CDH18: variants seen among roughly 807,000 people sequenced by gnomAD.
CDH18 encodes the protein cadherin-18.
In CDH18, 31 loss-of-function variants were observed where a neutral mutation model predicts 67.9. That is an observed-to-expected ratio of 0.46 (90% CI 0.34 to 0.62). CDH18 has a LOEUF of 0.62. CDH18 is among the 20% of genes least tolerant of loss of function. CDH18 has a pLI of 0.01. For synonymous variants in CDH18, 362 were observed against 347.2 expected, an observed-to-expected ratio of 1.04 and a Z score of -0.48; for missense variants, 890 against 975.5, an observed-to-expected ratio of 0.91 and a Z score of 1.17.
intron 10 of CDH18, among the ~76,000 whole-genome samples, chr5:19,512,932 C>T (rs1033795679): frequency 2.2e-4 from 34 of 152,016 alleles, no homozygotes; most frequent in African/African-American, 7.7e-4. Flanking sequence ...ATGATCCTGC[C>T]ACCCTTTTTC....
intron 3 of CDH18, among the ~76,000 whole-genome samples, chr5:19,777,537 C>A (rs1338708458): frequency 6.6e-6 from 1 of 152,190 alleles, no homozygotes; most frequent in Non-Finnish European, 1.5e-5. Context: ...CCACACTGTG[C>A]TTGTGAAGAA....
At chr5:20,315,635 A>G (rs1375382243) in intron 1 of CDH18, among the ~76,000 whole-genome samples, 2 of 152,044 alleles carry the variant, frequency 1.3e-5, no homozygotes, top group Admixed American at 1.3e-4. Flanking sequence ...TCTCCAAAAT[A>G]TGCTTAAGGT....
intron 1 of CDH18, among the ~76,000 whole-genome samples, chr5:20,423,688 G>A (rs1316188467): frequency 6.6e-6 from 1 of 150,862 alleles, no homozygotes; most frequent in Non-Finnish European, 1.5e-5. Context: ...GCTCATGCCT[G>A]TAATCCCAGC....
At chr5:19,665,563 T>C (rs184982692) in intron 5 of CDH18, among the ~76,000 whole-genome samples, 150 of 152,210 alleles carry the variant, frequency 9.9e-4, no homozygotes, top group African/African-American at 3.1e-3. Context: ...ATTAAGAGAT[T>C]ATAAGTTTTC....
intron 10 of CDH18, among the ~76,000 whole-genome samples, chr5:19,507,058 G>T (rs1268800525): frequency 6.6e-6 from 1 of 152,008 alleles, no homozygotes; most frequent in Non-Finnish European, 1.5e-5. Context: ...AAATTTACAA[G>T]AAAAAAGCAA....
At chr5:19,728,058 T>C (rs767964487) in intron 4 of CDH18, among the ~76,000 whole-genome samples, 2 of 152,166 alleles carry the variant, frequency 1.3e-5, no homozygotes, top group Non-Finnish European at 2.9e-5. Flanking sequence ...TATTACCCTC[T>C]ACGTGCTAGA....
At chr5:20,555,371 A>C (rs928547160) in intron 1 of CDH18, among the ~76,000 whole-genome samples, 5 of 120,298 alleles carry the variant, frequency 4.2e-5, no homozygotes, top group Non-Finnish European at 7.1e-5. Context: ...ATAGTAGTCC[A>C]AGCTAAGACA....
At chr5:20,397,578 C>T (rs986848563) in intron 1 of CDH18, among the ~76,000 whole-genome samples, 1 of 152,112 alleles carries the variant, frequency 6.6e-6, no homozygotes, top group African/African-American at 2.4e-5. Context: ...AGACTGTTTA[C>T]CAGTAGTCTC....
intron 1 of CDH18, among the ~76,000 whole-genome samples, chr5:20,264,817 C>G (rs1744909028): frequency 6.6e-6 from 1 of 152,088 alleles, no homozygotes; most frequent in Non-Finnish European, 1.5e-5. Flanking sequence ...CTTTGACAGA[C>G]TGGGTACATT....
Position 19,823,732 on chromosome 5 carries a change from T to C in CDH18, c.228+15027A>G, listed in dbSNP as rs551367897. ...TTGACACTGAGCCAATTAGAGGTAA[T>C]AGACACCTACAAAATATTTCACCCA... On this transcript the variant is annotated intron_variant, in intron 3 of 12. Transcript: ENST00000382275. Among the ~76,000 whole-genome samples the C allele has an allele frequency of 7.9e-5, 12 of 152,250 alleles. No homozygotes were observed. The South Asian group carries it at 2.5e-3, about 32-fold the overall frequency.
chr5:20,450,902 G>A (rs926575282), intron 1 of CDH18, among the ~76,000 whole-genome samples: 10 of 152,142 alleles, frequency 6.6e-5, no homozygotes, highest in African/African-American at 2.2e-4. Context: ...GCAAAGTCAC[G>A]TCTTACATGG....
intron 1 of CDH18, among the ~76,000 whole-genome samples, chr5:20,548,156 A>G (rs1344464018): frequency 1.3e-5 from 2 of 150,712 alleles, no homozygotes; most frequent in Non-Finnish European, 3.0e-5. Flanking sequence ...ACTATTTCTG[A>G]TAATAGCCAG....
intron 2 of CDH18, among the ~76,000 whole-genome samples, chr5:19,967,945 T>C (rs1052940633): frequency 1.2e-4 from 18 of 152,058 alleles, no homozygotes; most frequent in African/African-American, 3.1e-4. Flanking sequence ...GAAAACCCCA[T>C]TGTCTCAGCC....
At chr5:20,502,521 A>G (rs1299305766) in intron 1 of CDH18, among the ~76,000 whole-genome samples, 1 of 152,224 alleles carries the variant, frequency 6.6e-6, no homozygotes, top group Non-Finnish European at 1.5e-5. Context: ...AGTAATATTT[A>G]TCTGAGAAGA....
At chr5:20,056,160 A>G (rs961731204) in intron 2 of CDH18, among the ~76,000 whole-genome samples, 6 of 150,484 alleles carry the variant, frequency 4.0e-5, no homozygotes, top group Non-Finnish European at 7.4e-5. Flanking sequence ...GCCCACCACT[A>G]TGCCTTGCTA....
chr5:20,267,880 T>A (rs759005668), intron 1 of CDH18, among the ~76,000 whole-genome samples: 1 of 152,216 alleles, frequency 6.6e-6, no homozygotes, highest in Non-Finnish European at 1.5e-5. Flanking sequence ...GAAGTTTGAA[T>A]ATGATTGGTT....
rs780767863 is a variant in CDH18, at chr5:19,815,454, C to CT, written c.228+23304dup. ...GAGTTTATGATGACATAAAAGCTAT[C>CT]TTTTTTCTAAAAAGCTTGAAACTTT... On this transcript the variant is annotated intron_variant, in intron 3 of 12. Coordinates refer to ENST00000382275, the MANE Select transcript of CDH18 (RefSeq NM_004934.5). Among the ~76,000 whole-genome samples, 3 of 151,748 alleles carry CT rather than the reference C, an allele frequency of 2.0e-5. No homozygotes were observed. In the South Asian group the frequency reaches 6.2e-4, roughly 32 times the overall value.
chr5:20,374,840 G>A (rs1743283552), intron 1 of CDH18, among the ~76,000 whole-genome samples: 2 of 152,016 alleles, frequency 1.3e-5, no homozygotes, highest in Admixed American at 1.3e-4. Flanking sequence ...ACTGAGATAA[G>A]AATCAAATTT....
chr5:19,896,789 G>C (rs754491992), intron 2 of CDH18, among the ~76,000 whole-genome samples: 4 of 152,160 alleles, frequency 2.6e-5, no homozygotes, highest in African/African-American at 9.7e-5. Flanking sequence ...GAGTTAGATT[G>C]GTGGACTATA....
Sources: allele counts gnomAD v4.1 joint callset (sites outside exome capture counted in the v4.1 genomes callset), GRCh38; gene constraint gnomAD v4.1.1; transcripts MANE v1.5; gene names NCBI Gene and HGNC (gene_info 2026-07-23, HGNC 2026-07-21).